The following ATP8A2 variants were observed in gnomAD, a reference collection of about 807,000 sequenced individuals.
ATP8A2 encodes the protein ATPase phospholipid transporting 8A2.
In ATP8A2, 100 loss-of-function variants were observed where a neutral mutation model predicts 165.6. The observed-to-expected ratio is 0.60, with a 90% CI of 0.51 to 0.71. The LOEUF (loss-of-function observed/expected upper bound fraction) is 0.71, where lower values mean the gene tolerates loss of function less well. Ranked by LOEUF, ATP8A2 falls within the 30% of genes least tolerant of loss-of-function variation. The pLI, the probability that ATP8A2 is intolerant of heterozygous loss-of-function variation, is 0.00. For missense variants in ATP8A2, 1,227 were observed against 1,479.5 expected, an observed-to-expected ratio of 0.83 and a Z score of 2.80; for synonymous variants, 543 against 548.8, an observed-to-expected ratio of 0.99 and a Z score of 0.15.
rs367688035 is a variant in ATP8A2, at chr13:25,908,012, G to C, written c.3183+45604G>C. Among the ~76,000 whole-genome samples the C allele has an allele frequency of 5.3e-5, 8 of 152,266 alleles. No individual in the cohort carries two copies. The East Asian group carries it at 1.3e-3, about 26-fold the overall frequency. The stretch of plus-strand genomic sequence containing the variant: ...CATTTTAAGACTTTGACTTATTTTA[G>C]ATATTTTTTTCAGATAAAAGTTCGG... On this transcript the variant is annotated intron_variant, in intron 33 of 36. Transcript: ENST00000381655.
intron 24 of ATP8A2, among the ~76,000 whole-genome samples, chr13:25,595,581 T>C (rs1383677287): frequency 6.6e-6 from 1 of 152,178 alleles, no homozygotes; most frequent in African/African-American, 2.4e-5. Context: ...TGGGGGCTAT[T>C]TATTGGCAAC....
chr13:25,413,456 A>G (rs2034037024), intron 1 of ATP8A2, among the ~76,000 whole-genome samples: 1 of 151,042 alleles, frequency 6.6e-6, no homozygotes, highest in South Asian at 2.1e-4. Flanking sequence ...TAATTTTTGT[A>G]TTTCTAGTAG....
chr13:25,717,824 G>A (rs2043289093), intron 25 of ATP8A2, among the ~76,000 whole-genome samples: 1 of 152,158 alleles, frequency 6.6e-6, no homozygotes, highest in Non-Finnish European at 1.5e-5. Context: ...GTATGTGCTT[G>A]GTTGTGCAGT....
chr13:25,435,057 T>C (rs1006818328), intron 1 of ATP8A2, among the ~76,000 whole-genome samples: 3 of 152,130 alleles, frequency 2.0e-5, no homozygotes, highest in African/African-American at 7.2e-5. Context: ...TGTGTTCATC[T>C]GCTGGAGACT....
chr13:25,694,528 A>G (rs1298323684), intron 24 of ATP8A2, among the ~76,000 whole-genome samples: 1 of 152,220 alleles, frequency 6.6e-6, no homozygotes, highest in Non-Finnish European at 1.5e-5. Context: ...GAACACACCC[A>G]GGCTGCCAAG....
intron 33 of ATP8A2, among the ~76,000 whole-genome samples, chr13:25,869,086 A>C (rs919232284): frequency 2.6e-5 from 4 of 151,908 alleles, no homozygotes; most frequent in Admixed American, 6.6e-5. Context: ...AAAAAAAAAA[A>C]AAAAAAACCT....
intron 27 of ATP8A2, among the ~76,000 whole-genome samples, chr13:25,821,155 C>T (rs1380791325): frequency 6.6e-6 from 1 of 152,166 alleles, no homozygotes; most frequent in Non-Finnish European, 1.5e-5. Flanking sequence ...TGTGGCCAAT[C>T]CAGTGCCAAC....
At chr13:25,534,078 A>G (rs1051856766) in intron 6 of ATP8A2, 1 of 462,582 alleles carries the variant, frequency 2.2e-6, no homozygotes, top group Non-Finnish European at 4.4e-6. Flanking sequence ...TTAATAAACA[A>G]TGTTTTTAAA....
At chr13:25,529,269 T>A (rs1227884805) in intron 2 of ATP8A2, among the ~76,000 whole-genome samples, 2 of 152,200 alleles carry the variant, frequency 1.3e-5, no homozygotes, top group East Asian at 1.9e-4. Context: ...TGGTTAATTT[T>A]GCCTTTGGGT....
At chr13:25,612,893 T>G (rs1190550275) in intron 24 of ATP8A2, among the ~76,000 whole-genome samples, 1 of 152,186 alleles carries the variant, frequency 6.6e-6, no homozygotes, top group Non-Finnish European at 1.5e-5. Flanking sequence ...ATAATGTTCC[T>G]CTTTGTCTTT....
chr13:25,510,173 T>TC, intron 2 of ATP8A2, among the ~76,000 whole-genome samples: 1 of 121,722 alleles, frequency 8.2e-6, no homozygotes, highest in African/African-American at 3.3e-5. Flanking sequence ...CGTCTGTCTG[T>TC]AACACACACA....
intron 27 of ATP8A2, among the ~76,000 whole-genome samples, chr13:25,821,758 A>C (rs536948569): frequency 6.6e-6 from 1 of 152,196 alleles, no homozygotes; most frequent in South Asian, 2.1e-4. Context: ...TGGGCCTTGT[A>C]GGATGTTTAG....
intron 33 of ATP8A2, among the ~76,000 whole-genome samples, chr13:25,919,820 C>T (rs763134614): frequency 9.9e-5 from 15 of 152,088 alleles, no homozygotes; most frequent in East Asian, 3.9e-4. Context: ...GGCTGGAGTG[C>T]GGTGGTGCTG....
intron 28 of ATP8A2, among the ~76,000 whole-genome samples, chr13:25,836,605 C>G (rs1048788999): frequency 1.3e-5 from 2 of 152,172 alleles, no homozygotes. Flanking sequence ...CTGCCCTCCT[C>G]CACTTCTGCA....
chr13:25,791,387 G>A (rs1199230051), intron 27 of ATP8A2, among the ~76,000 whole-genome samples: 1 of 152,092 alleles, frequency 6.6e-6, no homozygotes, highest in Admixed American at 6.6e-5. Flanking sequence ...ATTGGAGGGT[G>A]GAGGATGGGA....
intron 2 of ATP8A2, among the ~76,000 whole-genome samples, chr13:25,515,606 T>C (rs939669574): frequency 7.2e-5 from 11 of 152,246 alleles, no homozygotes; most frequent in African/African-American, 2.4e-4. Flanking sequence ...TAGCTAATGA[T>C]TCCATTCCTA....
At chr13:25,580,650 C>T (rs2039749552) in intron 22 of ATP8A2, among the ~76,000 whole-genome samples, 1 of 152,164 alleles carries the variant, frequency 6.6e-6, no homozygotes, top group Non-Finnish European at 1.5e-5. Flanking sequence ...CCTCCTACTT[C>T]AGCCTTCTGA....
chr13:25,551,593 T>C (rs9581389), intron 11 of ATP8A2, 90 bp downstream of exon 11: 803,120 of 1,264,542 alleles, frequency 0.64, 263,823 homozygotes, highest in African/African-American at 0.72. Flanking sequence ...GTGTCCCTGC[T>C]GTCCTTCTGT....
intron 25 of ATP8A2, among the ~76,000 whole-genome samples, chr13:25,755,461 T>A (rs1354434082): frequency 6.6e-6 from 1 of 152,260 alleles, no homozygotes; most frequent in African/African-American, 2.4e-5. Context: ...GTAGCCATTG[T>A]GTGCAAAGCA....
Sources: allele counts gnomAD v4.1 joint callset (sites outside exome capture counted in the v4.1 genomes callset), GRCh38; gene constraint gnomAD v4.1.1; transcripts MANE v1.5; gene names NCBI Gene and HGNC (gene_info 2026-07-23, HGNC 2026-07-21).